The following EIF3A variants were observed in gnomAD, a reference collection of about 807,000 sequenced individuals.
The protein encoded by EIF3A is eukaryotic translation initiation factor 3 subunit A.
EIF3A carries 21 observed loss-of-function variants against 186.6 expected under a neutral mutation model. The observed-to-expected ratio is 0.11, with a 90% CI of 0.08 to 0.16. The LOEUF (loss-of-function observed/expected upper bound fraction) is 0.16, where lower values mean the gene tolerates loss of function less well. EIF3A is among the 10% of genes least tolerant of loss of function. The pLI, the probability that EIF3A is intolerant of heterozygous loss-of-function variation, is 1.00. For synonymous variants in EIF3A, 563 were observed against 584.3 expected (o/e 0.96, Z 0.52); for missense variants, 1,306 against 1,796.3 (o/e 0.73, Z 4.93).
rs1564764413 is a variant in EIF3A, at chr10:119,080,691, C to T, written c.-15G>A. On this transcript the variant is annotated 5_prime_UTR_variant, in exon 1 of 22. Transcript: ENST00000369144. ...TAGGCCGGCATCTTGGCGGCAGGCT[C>T]AGCTCACCCGGCGTCAGCGAACTCT... 1.3e-6 allele frequency: 2 copies of T among 1,589,562 alleles called. No individual in the cohort carries two copies. The highest frequency in any genetic ancestry group is 1.1e-5 in the South Asian group (1 of 87,298).
intron 6 of EIF3A, among the ~76,000 whole-genome samples, chr10:119,066,796 A>G (rs1292162996): frequency 6.6e-6 from 1 of 152,194 alleles, no homozygotes; most frequent in Non-Finnish European, 1.5e-5. Flanking sequence ...TCTGAGTCAT[A>G]AGGCTACTGC....
Position 119,066,009 on chromosome 10 carries a change from A to G in EIF3A, c.951-439T>C, listed in dbSNP as rs369249730. 1.1e-4 allele frequency among the ~76,000 whole-genome samples: 17 copies of G among 152,122 alleles called. No individual in the cohort carries two copies. The East Asian group carries it at 1.6e-3, about 14-fold the overall frequency. On this transcript the variant is annotated intron_variant, in intron 6 of 21. Transcript: ENST00000369144. The stretch of plus-strand genomic sequence containing the variant: ...TGGGCGCCTGTAGTCCCAGCTACTC[A>G]GGAGGCTGAGGCAGGAGAATCGCAT...
chr10:119,060,588 T>C (rs1234456598), intron 9 of EIF3A, among the ~76,000 whole-genome samples, 158 bp downstream of exon 9: 3 of 152,226 alleles, frequency 2.0e-5, no homozygotes, highest in African/African-American at 4.8e-5. Context: ...TATGTAAATA[T>C]AATAATTCTG....
chr10:119,065,321 G>A lies in EIF3A; in HGVS notation c.1122+78C>T, dbSNP rs1175397771. ...CCTTGGCACTGAATCAGAATTCCCA[G>A]TATTTAATCATGAGTTATTAAACCT... is the stretch of plus-strand genomic sequence containing the variant. On this transcript the variant is annotated intron_variant, in intron 7 of 21. Coordinates refer to ENST00000369144, the MANE Select transcript of EIF3A (RefSeq NM_003750.4). 5.7e-6 allele frequency: 6 copies of A among 1,043,620 alleles called. No homozygotes were observed. In the African/African-American group the frequency reaches 6.4e-5, roughly 11 times the overall value. 64.6% of individuals were successfully genotyped at this position (1,043,620 alleles called of 1,614,324 possible).
rs188398094 is a variant in EIF3A, at chr10:119,067,744, A to C, written c.950+1702T>G. On this transcript the variant is annotated intron_variant, in intron 6 of 21. Transcript: ENST00000369144. ...AAGACAATTTGCTTTACATAATTCT[A>C]CTGGATAACAAAATAATTGGTGGAC... Among the ~76,000 whole-genome samples, 347 of 152,340 alleles carry C rather than the reference A, an allele frequency of 2.3e-3. 2 individuals are homozygous for C. The highest frequency in any genetic ancestry group is 8.0e-3 in the African/African-American group (331 of 41,578).
At chr10:119,073,084 T>G in intron 3 of EIF3A, 31 bp from the exon 4 acceptor site, 1 of 1,582,036 alleles carries the variant, frequency 6.3e-7, no homozygotes, top group Non-Finnish European at 8.6e-7. Context: ...AAAACAATTT[T>G]AGACAGTTTC....
intron 7 of EIF3A, among the ~76,000 whole-genome samples, chr10:119,063,213 A>G (rs1325864397): frequency 6.6e-6 from 1 of 152,180 alleles, no homozygotes; most frequent in Non-Finnish European, 1.5e-5. Context: ...TGAGTCCTAC[A>G]TCGGCCCCAT....
In EIF3A at chr10:119,042,094, G is replaced by A. The variant is rs573450355; in HGVS notation, c.3426C>T (p.Asn1142=). The change falls in exon 19 of 22, where the codon AAC becomes AAT. Residue 1142 remains asparagine, a synonymous_variant. Transcript: ENST00000369144. The surrounding 1 kb of genome is among the most constrained non-coding windows in gnomAD (Gnocchi z 7.8). ...GTCTTGAAAGGCGATCATCATCCAT[G>A]TTTCTCCAAGGGCCCCTGTCATCCT... is the stretch of plus-strand genomic sequence containing the variant. The part of the protein sequence containing the change: ...GAEDDRGPWR[N]MDDDRLSRRA... The A allele has an allele frequency of 8.5e-5, 137 of 1,614,148 alleles. 2 individuals are homozygous for A. In the South Asian group the frequency reaches 1.4e-3, roughly 16 times the overall value.
intron 14 of EIF3A, among the ~76,000 whole-genome samples, chr10:119,051,967 A>G (rs1157103687): frequency 6.6e-6 from 1 of 152,202 alleles, no homozygotes; most frequent in East Asian, 1.9e-4. Flanking sequence ...TCTTGCTTCA[A>G]TGTTGACGAC....
rs1383654013 is a variant in EIF3A, at chr10:119,035,951, A to G, written c.*88T>C. On this transcript the variant is annotated 3_prime_UTR_variant, in exon 22 of 22. Coordinates refer to ENST00000369144, the MANE Select transcript of EIF3A (RefSeq NM_003750.4). ...TGGTGAAACAACATTAAAGAATCCA[A>G]TTTAGATTGGTTGAAGCACAAGTAT... is the stretch of plus-strand genomic sequence containing the variant. The G allele has an allele frequency of 7.0e-6, 7 of 996,534 alleles. No individual in the cohort carries two copies. Among genetic ancestry groups the G allele is most frequent in the African/African-American group, 6.4e-5 (4 of 62,180 alleles). 61.7% of individuals were successfully genotyped at this position (996,534 alleles called of 1,614,324 possible).
At position 119,079,495 on chromosome 10, in the gene EIF3A, G is replaced by A. The variant is rs186049268; in HGVS notation, c.49+1133C>T. Among the ~76,000 whole-genome samples the A allele has an allele frequency of 4.7e-3, 718 of 152,134 alleles. 10 individuals are homozygous for A. The highest frequency in any genetic ancestry group is 0.016 in the African/African-American group (675 of 41,502). ...ACAAGGTATATTCATCTACAACATGGGTAAAACCCGAAACTTCTATTTCGG... is the reference window on the plus strand; with the variant it reads ...ACAAGGTATATTCATCTACAACATGAGTAAAACCCGAAACTTCTATTTCGG... On this transcript the variant is annotated intron_variant, in intron 1 of 21. Transcript: ENST00000369144.
intron 1 of EIF3A, among the ~76,000 whole-genome samples, chr10:119,076,274 G>A (rs140538543): frequency 0.011 from 1,603 of 149,202 alleles, 19 homozygotes; most frequent in African/African-American, 0.037. Context: ...CGGAGGTTGC[G>A]GTGAGCCGAG....
Position 119,042,324 on chromosome 10 carries a change from C to A in EIF3A, c.3196G>T (p.Asp1066Tyr). 6.2e-7 allele frequency: 1 copy of A among 1,613,780 alleles called. No individual in the cohort carries two copies. The highest frequency in any genetic ancestry group is 8.5e-7 in the Non-Finnish European group (1 of 1,179,944). ...TCCAACCCTCGCCTGGGACCCCGGT[C>A]ATCATCAGCATTACGCCAGGATGAT... ...ERSSWRNADD[D>Y]RGPRRGLDDD... is the part of the protein sequence containing the mutation. Residue 1066 changes from aspartate (D) to tyrosine (Y), a missense_variant, in exon 19 of 22, where the codon GAC becomes TAC. Physicochemically the swap from Asp to Tyr is radical, Grantham distance 160. Coordinates refer to ENST00000369144, the MANE Select transcript of EIF3A (RefSeq NM_003750.4). The surrounding 1 kb of genome is among the most constrained non-coding windows in gnomAD (Gnocchi z 7.8).
At chr10:119,052,368 T>TTGTGTA (rs1554870365) in intron 14 of EIF3A, among the ~76,000 whole-genome samples, 2 of 123,062 alleles carry the variant, frequency 1.6e-5, no homozygotes, top group East Asian at 4.9e-4. Flanking sequence ...TTTTTTGGTT[T>TTGTGTA]TGTGTGTGTG....
In EIF3A at chr10:119,051,307, C is replaced by T; in HGVS notation, c.2211G>A (p.Gln737=). The change falls in exon 15 of 22, where the codon CAG becomes CAA. Residue 737 remains glutamine (Q), a synonymous_variant. Coordinates refer to ENST00000369144, the MANE Select transcript of EIF3A (RefSeq NM_003750.4). ...QQEEERITTM[Q]LEREKALEHK... ...GTTCAAGAGCCTTTTCACGTTCTAGCTGCATTGTAGTAATCTGCAAGTACA... is the reference window on the plus strand; with the variant it reads ...GTTCAAGAGCCTTTTCACGTTCTAGTTGCATTGTAGTAATCTGCAAGTACA... The T allele has an allele frequency of 6.3e-7, 1 of 1,598,350 alleles. No homozygotes were observed. Among genetic ancestry groups the T allele is most frequent in the African/African-American group, 1.4e-5 (1 of 73,798 alleles).
intron 5 of EIF3A, 54 bp downstream of exon 5, chr10:119,070,832 A>G: frequency 1.5e-6 from 2 of 1,293,578 alleles, no homozygotes; most frequent in South Asian, 1.2e-5. Flanking sequence ...AAGGGGGGAG[A>G]AAAGTAACAC....
intron 14 of EIF3A, among the ~76,000 whole-genome samples, chr10:119,053,557 C>CAAAAAAAAAAA (rs33979018): frequency 9.0e-6 from 1 of 110,548 alleles, no homozygotes; most frequent in African/African-American, 3.4e-5. Flanking sequence ...ACTAAAAATA[C>CAAAAAAAAAAA]AAAAAAAAAA....
chr10:119,073,949 A>C lies in EIF3A; in HGVS notation c.50-12T>G. 6.3e-7 allele frequency: 1 copy of C among 1,579,534 alleles called. No individual in the cohort carries two copies. Among genetic ancestry groups the C allele is most frequent in the Non-Finnish European group, 8.6e-7 (1 of 1,165,052 alleles). On this transcript the variant is annotated splice_polypyrimidine_tract_variant and intron_variant, in intron 1 of 21. Transcript: ENST00000369144. ...AACCTCAAGAAATTCTGAAAAATTC[A>C]GAAGAATTAAAATTAGTTATGTACA...
chr10:119,046,964 A>G (rs1039645850), intron 17 of EIF3A, among the ~76,000 whole-genome samples: 2 of 151,686 alleles, frequency 1.3e-5, no homozygotes, highest in East Asian at 1.9e-4. Context: ...AATGGAATAG[A>G]GAAAATAAAA....
Sources: allele counts gnomAD v4.1 joint callset (sites outside exome capture counted in the v4.1 genomes callset), GRCh38; gene constraint gnomAD v4.1.1; non-coding constraint Gnocchi (gnomAD v3.1); transcripts MANE v1.5; gene names NCBI Gene and HGNC (gene_info 2026-07-23, HGNC 2026-07-21).